RAD51B: variants seen among roughly 807,000 people sequenced by gnomAD.
RAD51B encodes the protein DNA repair protein RAD51 homolog 2.
Under a neutral mutation model 42.2 loss-of-function variants are expected in RAD51B, and 38 were observed. The ratio of observed to expected loss-of-function variants is 0.90; its 90% CI spans 0.70 to 1.18. RAD51B has a LOEUF of 1.18. RAD51B is among the 50% of genes most tolerant of loss of function. RAD51B has a pLI of 0.00. For missense variants in RAD51B, 373 were observed against 400.7 expected (o/e 0.93, Z 0.59); for synonymous variants, 154 against 145.2 (o/e 1.06, Z -0.43).
At position 68,630,778 on chromosome 14, in the gene RAD51B, C is replaced by T. The variant is rs185940160; in HGVS notation, c.1037-20003C>T. 5.9e-5 allele frequency among the ~76,000 whole-genome samples: 9 copies of T among 152,300 alleles called. No individual in the cohort carries two copies. The East Asian group carries it at 1.7e-3, about 29-fold the overall frequency. ...ACCACCACCATTCCAACCCCTTGAA[C>T]CAACCCCTGGTTTCAAGCTCTCCCA... On this transcript the variant is annotated intron_variant, in intron 10 of 11. Coordinates refer to the RAD51B transcript ENST00000488612.
At chr14:68,273,380 C>T (rs2081159093) in intron 7 of RAD51B, among the ~76,000 whole-genome samples, 1 of 152,170 alleles carries the variant, frequency 6.6e-6, no homozygotes, top group African/African-American at 2.4e-5. Flanking sequence ...CCAGGCTGAG[C>T]TATAAAAATA....
chr14:68,553,512 G>A (rs568247929), intron 10 of RAD51B, among the ~76,000 whole-genome samples: 21 of 152,268 alleles, frequency 1.4e-4, no homozygotes, highest in African/African-American at 5.1e-4. Flanking sequence ...AAAGAGAGGC[G>A]AGGTGGGGCT....
chr14:68,125,695 G>A (rs931439871), intron 7 of RAD51B, among the ~76,000 whole-genome samples: 8 of 152,000 alleles, frequency 5.3e-5, no homozygotes, highest in Non-Finnish European at 8.8e-5. Flanking sequence ...GAAAAAAAGT[G>A]TCTCACTTCT....
intron 7 of RAD51B, among the ~76,000 whole-genome samples, chr14:68,124,135 A>G (rs1164717337): frequency 6.6e-6 from 1 of 152,218 alleles, no homozygotes; most frequent in East Asian, 1.9e-4. Flanking sequence ...GGCACATTGT[A>G]TAATAAGCAC....
chr14:68,284,173 A>G (rs2081373090), intron 7 of RAD51B, among the ~76,000 whole-genome samples: 1 of 152,232 alleles, frequency 6.6e-6, no homozygotes, highest in Non-Finnish European at 1.5e-5. Flanking sequence ...AGGGCTGATA[A>G]TAAGAGGTAT....
chr14:68,420,344 G>T (rs1215054176), intron 9 of RAD51B, among the ~76,000 whole-genome samples: 1 of 152,144 alleles, frequency 6.6e-6, no homozygotes, highest in Non-Finnish European at 1.5e-5. Flanking sequence ...TTCATAAAGT[G>T]AAAGCAAGTT....
At chr14:68,042,079 T>C (rs914214428) in intron 7 of RAD51B, among the ~76,000 whole-genome samples, 2 of 152,208 alleles carry the variant, frequency 1.3e-5, no homozygotes, top group Non-Finnish European at 2.9e-5. Flanking sequence ...GTCATCAGCA[T>C]TTCATGAGTA....
intron 10 of RAD51B, chr14:68,470,815 G>T (rs1594885358): frequency 2.5e-6 from 1 of 404,826 alleles, no homozygotes; most frequent in East Asian, 4.3e-5. Flanking sequence ...CCATCCTGCG[G>T]GATCTCTAAC....
At chr14:68,542,136 C>CTAATA (rs1888001303) in intron 10 of RAD51B, among the ~76,000 whole-genome samples, 2 of 152,076 alleles carry the variant, frequency 1.3e-5, no homozygotes, top group South Asian at 4.1e-4. Context: ...TGGCTTCATA[C>CTAATA]TGTCATTAGC....
rs2080987812 is a variant in RAD51B at position 68,266,147 on chromosome 14, G to T, written c.757-25737G>T. ...GGCACCAGGAGCTGTAGGGTTAGAA[G>T]AAGTAATGTCTTTTTCTCACCTATT... On this transcript the variant is annotated intron_variant, in intron 7 of 10. Coordinates refer to ENST00000471583, the MANE Select transcript of RAD51B (RefSeq NM_133510.4). Among the ~76,000 whole-genome samples, 5 of 152,342 alleles carry T rather than the reference G, an allele frequency of 3.3e-5. 1 individual carries two copies. In the South Asian group the frequency reaches 1.0e-3, roughly 32 times the overall value.
intron 7 of RAD51B, among the ~76,000 whole-genome samples, chr14:67,971,882 A>G (rs1215541877): frequency 6.6e-6 from 1 of 151,916 alleles, no homozygotes; most frequent in Admixed American, 6.6e-5. Flanking sequence ...TATTGAGTTC[A>G]GTGGAGGCAA....
intron 8 of RAD51B, among the ~76,000 whole-genome samples, chr14:68,321,782 G>T (rs2139766749): frequency 6.6e-6 from 1 of 152,156 alleles, no homozygotes. Flanking sequence ...ACAGGGTCTT[G>T]CTCTGTCATC....
chr14:68,258,859 A>G (rs1464981381), intron 7 of RAD51B, among the ~76,000 whole-genome samples: 3 of 152,198 alleles, frequency 2.0e-5, no homozygotes, highest in African/African-American at 7.2e-5. Flanking sequence ...ATGACAAGAA[A>G]GTTACTGCAA....
At chr14:68,671,445 C>A (rs995441662) in intron 11 of RAD51B, among the ~76,000 whole-genome samples, 3 of 152,108 alleles carry the variant, frequency 2.0e-5, no homozygotes. Flanking sequence ...AAACCCACCC[C>A]CTATCCTCCT....
intron 7 of RAD51B, among the ~76,000 whole-genome samples, chr14:68,182,441 TATTCA>T (rs2079075309): frequency 6.6e-6 from 1 of 152,284 alleles, no homozygotes; most frequent in African/African-American, 2.4e-5. Flanking sequence ...TAACTTTTAA[TATTCA>T]ATTCAATTTA....
At chr14:68,265,151 A>G (rs2080965489) in intron 7 of RAD51B, among the ~76,000 whole-genome samples, 1 of 152,248 alleles carries the variant, frequency 6.6e-6, no homozygotes, top group Non-Finnish European at 1.5e-5. Context: ...ACCCTTATCA[A>G]CTTACGATAA....
At chr14:68,533,861 C>A (rs1887458169) in intron 10 of RAD51B, among the ~76,000 whole-genome samples, 2 of 152,144 alleles carry the variant, frequency 1.3e-5, no homozygotes, top group South Asian at 4.1e-4. Flanking sequence ...ACTGTTTCAG[C>A]CTAAGCCAGT....
chr14:68,287,933 A>G (rs1251834294), intron 7 of RAD51B, among the ~76,000 whole-genome samples: 2 of 152,172 alleles, frequency 1.3e-5, no homozygotes. Flanking sequence ...AGCTTGCTCC[A>G]TGTCACACAG....
At position 68,197,819 on chromosome 14, in the gene RAD51B, T is replaced by TTATTGGC. The variant is rs2079402865; in HGVS notation, c.757-94063_757-94057dup. 2.6e-5 allele frequency among the ~76,000 whole-genome samples: 4 copies of TTATTGGC among 152,276 alleles called. No homozygotes were observed. In the South Asian group the frequency reaches 8.3e-4, roughly 32 times the overall value. On this transcript the variant is annotated intron_variant, in intron 7 of 10. Coordinates refer to ENST00000471583, the MANE Select transcript of RAD51B (RefSeq NM_133510.4). ...TGTTTCTTCAATCTTTTGATCAGTT[T>TTATTGGC]TATTGGCTGTTTGTCTTTTTATTGT...
Sources: allele counts gnomAD v4.1 joint callset (sites outside exome capture counted in the v4.1 genomes callset), GRCh38; gene constraint gnomAD v4.1.1; transcripts MANE v1.5; gene names NCBI Gene and HGNC (gene_info 2026-07-23, HGNC 2026-07-21).